Variants in SLC7A11 observed in about 807,000 individuals in gnomAD.
The protein encoded by SLC7A11 is cystine/glutamate transporter.
SLC7A11 carries 35 observed loss-of-function variants against 54.5 expected under a neutral mutation model. That is an observed-to-expected ratio of 0.64 (90% CI 0.49 to 0.85). The LOEUF (loss-of-function observed/expected upper bound fraction) is 0.85. SLC7A11 is among the 40% of genes least tolerant of loss of function. The pLI, the probability that SLC7A11 is intolerant of heterozygous loss-of-function variation, is 0.00. For missense variants in SLC7A11, 583 were observed against 618.1 expected (o/e 0.94, Z 0.60); for synonymous variants, 230 against 225.2 (o/e 1.02, Z -0.19).
At chr4:138,233,596 T>G (rs1392061283) in intron 2 of SLC7A11, among the ~76,000 whole-genome samples, 1 of 152,158 alleles carries the variant, frequency 6.6e-6, no homozygotes, top group Non-Finnish European at 1.5e-5. Flanking sequence ...CAGCATTACA[T>G]GTTCCCAACT....
At chr4:138,210,369 G>A (rs1268887415) in intron 6 of SLC7A11, among the ~76,000 whole-genome samples, 1 of 151,912 alleles carries the variant, frequency 6.6e-6, no homozygotes, top group Non-Finnish European at 1.5e-5. Flanking sequence ...AGAAGCAATT[G>A]CAACAAAAAC....
At position 138,237,738 on chromosome 4, in the gene SLC7A11, T is replaced by TATATATATATATTTATTTA. The variant is rs1276520668; in HGVS notation, c.278-1288_278-1287insTAAATAAATATATATATAT. ...ATATATATATATATATATATATATA[T>TATATATATATATTTATTTA]TTTTTTTTTTTTTTTTTTTTTTTTT... On this transcript the variant is annotated intron_variant, in intron 1 of 11. Transcript: ENST00000280612. Among the ~76,000 whole-genome samples the TATATATATATATTTATTTA allele has an allele frequency of 3.0e-4, 2 of 6,778 alleles. 1 individual carries two copies. The highest frequency in any genetic ancestry group is 1.0e-3 in the African/African-American group (2 of 1,912). The allele number at this position is 6,778 out of a possible 152,430, so 4.4% of individuals were successfully genotyped here.
intron 6 of SLC7A11, among the ~76,000 whole-genome samples, chr4:138,204,303 G>A (rs868747107): frequency 1.3e-5 from 2 of 152,030 alleles, no homozygotes; most frequent in African/African-American, 4.8e-5. Context: ...CTACAGCGCA[G>A]AATGAAGATA....
intron 2 of SLC7A11, among the ~76,000 whole-genome samples, chr4:138,233,271 G>A (rs577597295): frequency 7.4e-5 from 11 of 149,308 alleles, no homozygotes; most frequent in Admixed American, 2.7e-4. Flanking sequence ...TGCAACCTCC[G>A]CCTCCCGTGT....
chr4:138,186,329 T>A (rs1351067357), intron 6 of SLC7A11, among the ~76,000 whole-genome samples: 1 of 152,084 alleles, frequency 6.6e-6, no homozygotes, highest in African/African-American at 2.4e-5. Context: ...TCTTCCAAGA[T>A]GAAAATGCAG....
intron 3 of SLC7A11, among the ~76,000 whole-genome samples, chr4:138,229,142 TC>T (rs1383669978): frequency 1.3e-5 from 2 of 152,190 alleles, no homozygotes; most frequent in Non-Finnish European, 2.9e-5. Flanking sequence ...ACTGTTTCCT[TC>T]CCCAGGGATC....
At chr4:138,203,334 T>C (rs1271329782) in intron 6 of SLC7A11, among the ~76,000 whole-genome samples, 1 of 152,142 alleles carries the variant, frequency 6.6e-6, no homozygotes, top group Non-Finnish European at 1.5e-5. Flanking sequence ...CTAACCAAAT[T>C]CTCATTTCAA....
In SLC7A11 at chr4:138,241,978, T is replaced by C. The variant is rs753664204; in HGVS notation, c.92A>G (p.Glu31Gly). 8 of 1,614,046 alleles carry C rather than the reference T, an allele frequency of 5.0e-6. No individual in the cohort carries two copies. The East Asian group carries it at 1.1e-4, about 22-fold the overall frequency. Residue 31 changes from glutamate to glycine, a missense_variant, in exon 1 of 12, where the codon GAG becomes GGG. Transcript: ENST00000280612. Reference protein sequence around the residue: ...NGRLPSLGNKEPPGQEKVQLK... With the variant: ...NGRLPSLGNKGPPGQEKVQLK... ...CTGCACTTTCTCCTGCCCAGGTGGC[T>C]CCTTGTTGCCCAGGGAAGGCAGCCT... is the stretch of plus-strand genomic sequence containing the variant.
Position 138,208,639 on chromosome 4 carries a change from T to G in SLC7A11, c.791+5946A>C, listed in dbSNP as rs72933884. 7.9e-3 allele frequency among the ~76,000 whole-genome samples: 1,202 copies of G among 152,118 alleles called. 18 individuals are homozygous for G. The highest frequency in any genetic ancestry group is 0.026 in the African/African-American group (1,086 of 41,546). On this transcript the variant is annotated intron_variant, in intron 6 of 11. Transcript: ENST00000280612. The stretch of plus-strand genomic sequence containing the variant: ...ATTACTACTATATATATGCCATTTT[T>G]GGGGGGAAAGCCTTTTAAAATTCAG...
chr4:138,232,867 A>G (rs1376218427), intron 2 of SLC7A11, among the ~76,000 whole-genome samples: 1 of 152,224 alleles, frequency 6.6e-6, no homozygotes, highest in African/African-American at 2.4e-5. Context: ...ATGCCTAAAT[A>G]TTTGACATTG....
chr4:138,212,046 A>G (rs1205590590), intron 6 of SLC7A11, among the ~76,000 whole-genome samples: 2 of 151,940 alleles, frequency 1.3e-5, no homozygotes. Context: ...TCAACACAAA[A>G]AAAGATACAT....
chr4:138,238,564 C>T (rs1241282684), intron 1 of SLC7A11, among the ~76,000 whole-genome samples: 1 of 151,576 alleles, frequency 6.6e-6, no homozygotes, highest in African/African-American at 2.4e-5. Context: ...GATTTCTAAA[C>T]TTATCATGAC....
intron 1 of SLC7A11, 41 bp downstream of exon 1, chr4:138,241,752 C>A: frequency 1.4e-6 from 2 of 1,474,288 alleles, no homozygotes; most frequent in Non-Finnish European, 1.9e-6. Context: ...AGCTTTCCAG[C>A]CCCACAGCCA....
intron 8 of SLC7A11, 89 bp downstream of exon 8, chr4:138,183,113 G>T: frequency 2.3e-6 from 2 of 859,786 alleles, no homozygotes; most frequent in Non-Finnish European, 3.8e-6. Context: ...AGGTTTGGAG[G>T]CACTATTTCT....
rs148168678 is a variant in SLC7A11, at chr4:138,189,809, G to C, written c.792-4565C>G. On this transcript the variant is annotated intron_variant, in intron 6 of 11. Transcript: ENST00000280612. ...CTATTGTTTCCAGTGCATCATTTTC[G>C]CTAAAAGTGATCCTTGCTATGAAAA... 2.1e-3 allele frequency among the ~76,000 whole-genome samples: 316 copies of C among 152,108 alleles called. 2 individuals carry two copies. The highest frequency in any genetic ancestry group is 3.5e-3 in the Non-Finnish European group (240 of 67,982).
At position 138,223,278 on chromosome 4, in the gene SLC7A11, C is replaced by T. The variant is rs775652173; in HGVS notation, c.567G>A (p.Arg189=). The T allele has an allele frequency of 1.2e-6, 2 of 1,613,674 alleles. No homozygotes were observed. Among genetic ancestry groups the T allele is most frequent in the Non-Finnish European group, 1.7e-6 (2 of 1,179,604 alleles). Reference sequence around the variant, plus strand: ...TGCAAAAGGTTAAGAAAATCTGGATCCGGGCGCTCCAGCTGACACTCATGC... The same window carrying T: ...TGCAAAAGGTTAAGAAAATCTGGATTCGGGCGCTCCAGCTGACACTCATGC... The part of the protein sequence containing the change: ...LNSMSVSWSA[R]IQIFLTFCKL... The change falls in exon 4 of 12, where the codon CGG becomes CGA. Residue 189 remains arginine (R), a synonymous_variant. Transcript: ENST00000280612.
chr4:138,212,690 G>A (rs553465460), intron 6 of SLC7A11, among the ~76,000 whole-genome samples: 2 of 151,696 alleles, frequency 1.3e-5, no homozygotes, highest in South Asian at 2.1e-4. Flanking sequence ...AGGTAATAAC[G>A]GCATAACTAG....
At chr4:138,237,493 G>A (rs1172433051) in intron 1 of SLC7A11, among the ~76,000 whole-genome samples, 2 of 149,408 alleles carry the variant, frequency 1.3e-5, no homozygotes, top group Non-Finnish European at 3.0e-5. Flanking sequence ...TGCCTCCTAG[G>A]TTCAAGCAAT....
chr4:138,238,092 T>G (rs959563316), intron 1 of SLC7A11, among the ~76,000 whole-genome samples: 9 of 152,048 alleles, frequency 5.9e-5, no homozygotes, highest in African/African-American at 2.2e-4. Context: ...TAATTTATAT[T>G]TGTGTACTTT....
Sources: allele counts gnomAD v4.1 joint callset (sites outside exome capture counted in the v4.1 genomes callset), GRCh38; gene constraint gnomAD v4.1.1; transcripts MANE v1.5; gene names NCBI Gene and HGNC (gene_info 2026-07-23, HGNC 2026-07-21).